CENPA: variants seen among roughly 807,000 people sequenced by gnomAD.
The protein encoded by CENPA is centromere protein A.
Under a neutral mutation model 17.2 loss-of-function variants are expected in CENPA, and 7 were observed. That is an observed-to-expected ratio of 0.41 (90% CI 0.23 to 0.76). The LOEUF (loss-of-function observed/expected upper bound fraction) is 0.76, where lower values mean the gene tolerates loss of function less well. Among genes scored for constraint, CENPA ranks in the 30% least tolerant of loss-of-function variants. The pLI is 0.34. For synonymous variants in CENPA, 82 were observed against 77.4 expected (o/e 1.06, Z -0.31); for missense variants, 149 against 193.1 (o/e 0.77, Z 1.35).
At chr2:26,788,743 T>G (rs1192713234) in intron 1 of CENPA, among the ~76,000 whole-genome samples, 2 of 152,240 alleles carry the variant, frequency 1.3e-5, no homozygotes, top group Non-Finnish European at 2.9e-5. Flanking sequence ...CGGCGTGATC[T>G]CGGCTTACCG....
intron 1 of CENPA, among the ~76,000 whole-genome samples, chr2:26,787,555 G>A (rs1007367034): frequency 6.6e-6 from 1 of 151,326 alleles, no homozygotes; most frequent in African/African-American, 2.4e-5. Flanking sequence ...GAGACCCATC[G>A]CCCAGGTTGG....
Position 26,786,179 on chromosome 2 carries a change from C to A in CENPA, c.-18C>A. On this transcript the variant is annotated 5_prime_UTR_variant, in exon 1 of 5. Coordinates refer to ENST00000335756, the MANE Select transcript of CENPA (RefSeq NM_001809.4). ...CAGGAGCCGTGGGACCGGGCGCCAGCACCCTCTGCGGCGTGTCATGGGCCC... is the reference window on the plus strand; with the variant it reads ...CAGGAGCCGTGGGACCGGGCGCCAGAACCCTCTGCGGCGTGTCATGGGCCC... 7.0e-7 allele frequency: 1 copy of A among 1,436,324 alleles called. No individual in the cohort carries two copies. The allele number at this position is 1,436,324 out of a possible 1,614,324, so 89.0% of individuals were successfully genotyped here. A position where few individuals can be genotyped will look rare whatever the true frequency, so the allele number is the denominator to read the frequency against.
rs1470596121 is a variant in CENPA, at chr2:26,792,747, C to G, written c.211-9C>G. 1 of 1,613,364 alleles carries G rather than the reference C, an allele frequency of 6.2e-7. No individual in the cohort carries two copies. Among genetic ancestry groups the G allele is most frequent in the African/African-American group, 1.3e-5 (1 of 74,914 alleles). ...ACTCCTACTCCTCCCCTTCCCCACT[C>G]CTTCACAGGCAAGAGAAATATGTGT... is the stretch of plus-strand genomic sequence containing the variant. On this transcript the variant is annotated splice_polypyrimidine_tract_variant and intron_variant, in intron 2 of 4. Transcript: ENST00000335756.
chr2:26,786,606 G>C (rs1361298739), intron 1 of CENPA, among the ~76,000 whole-genome samples: 1 of 152,262 alleles, frequency 6.6e-6, no homozygotes, highest in Non-Finnish European at 1.5e-5. Context: ...CGTTATCTCA[G>C]CTTCATATTG....
At chr2:26,790,431 A>G in intron 1 of CENPA, among the ~76,000 whole-genome samples, 1 of 152,144 alleles carries the variant, frequency 6.6e-6, no homozygotes. Flanking sequence ...GGTTCAAGCA[A>G]TTCTCCTGCC....
At chr2:26,791,995 A>G (rs1664625051) in intron 1 of CENPA, 136 bp from the exon 2 acceptor site, 3 of 754,680 alleles carry the variant, frequency 4.0e-6, no homozygotes, top group Admixed American at 4.5e-5. Flanking sequence ...GCAGCAACCT[A>G]ATAAAACAGA....
At chr2:26,788,456 C>T (rs1375852251) in intron 1 of CENPA, among the ~76,000 whole-genome samples, 2 of 152,078 alleles carry the variant, frequency 1.3e-5, no homozygotes, top group Admixed American at 6.5e-5. Flanking sequence ...TCTCCCTCCT[C>T]GACTTCCTAC....
At chr2:26,793,681 G>C (rs1664661750) in intron 4 of CENPA, 131 bp from the exon 5 acceptor site, 1 of 153,270 alleles carries the variant, frequency 6.5e-6, no homozygotes, top group Admixed American at 6.5e-5. Flanking sequence ...TTTTGATTAA[G>C]AGAAAACTTT....
chr2:26,792,333 T>C, intron 2 of CENPA, 93 bp downstream of exon 2: 1 of 938,030 alleles, frequency 1.1e-6, no homozygotes, highest in Non-Finnish European at 1.6e-6. Context: ...CTTAACTAAC[T>C]GGCCAAGGGA....
chr2:26,792,586 C>T (rs1558299276), intron 2 of CENPA, 170 bp from the exon 3 acceptor site: 1 of 731,242 alleles, frequency 1.4e-6, no homozygotes. Context: ...CCGCCAGTTC[C>T]TAAGCTCCCA....
At position 26,792,742 on chromosome 2, in the gene CENPA, CCA is replaced by C. The variant is rs34367546; in HGVS notation, c.211-12_211-11del. 114,700 of 1,612,018 alleles carry C rather than the reference CCA, an allele frequency of 0.071. 4,628 individuals carry two copies. The highest frequency in any genetic ancestry group is 0.081 in the Non-Finnish European group (95,863 of 1,178,068). On this transcript the variant is annotated splice_polypyrimidine_tract_variant and intron_variant, in intron 2 of 4. Coordinates refer to ENST00000335756, the MANE Select transcript of CENPA (RefSeq NM_001809.4). ...TCCCTACTCCTACTCCTCCCCTTCC[CCA>C]CTCCTTCACAGGCAAGAGAAATATG...
At chr2:26,788,852 T>C (rs936503805) in intron 1 of CENPA, among the ~76,000 whole-genome samples, 1 of 152,160 alleles carries the variant, frequency 6.6e-6, no homozygotes, top group African/African-American at 2.4e-5. Flanking sequence ...ATTTTGTGTT[T>C]TTAGTAGAGA....
chr2:26,786,687 T>C (rs1664513914), intron 1 of CENPA, among the ~76,000 whole-genome samples: 1 of 152,226 alleles, frequency 6.6e-6, no homozygotes, highest in African/African-American at 2.4e-5. Flanking sequence ...CACAACTTGG[T>C]GTTCTGGCGG....
Position 26,786,073 on chromosome 2 carries a change from C to A in CENPA, c.-124C>A. 7.2e-6 allele frequency: 9 copies of A among 1,252,468 alleles called. No individual in the cohort carries two copies. Among genetic ancestry groups the A allele is most frequent in the Non-Finnish European group, 9.1e-6 (9 of 991,202 alleles). 77.6% of individuals were successfully genotyped at this position (1,252,468 alleles called of 1,614,324 possible). A position where few individuals can be genotyped will look rare whatever the true frequency, so the allele number is the denominator to read the frequency against. On this transcript the variant is annotated 5_prime_UTR_variant, in exon 1 of 5. Transcript: ENST00000335756. ...AGCGGCGCGGACTTCTGCCAAGCACCGGCTCATGTGAGGCTCGCGGCACAG... is the reference window on the plus strand; with the variant it reads ...AGCGGCGCGGACTTCTGCCAAGCACAGGCTCATGTGAGGCTCGCGGCACAG...
At chr2:26,791,762 A>AGG (rs1441509652) in intron 1 of CENPA, among the ~76,000 whole-genome samples, 1 of 152,234 alleles carries the variant, frequency 6.6e-6, no homozygotes, top group African/African-American at 2.4e-5. Flanking sequence ...AGCCCAGAGG[A>AGG]GGGCGGTCAC....
At chr2:26,790,100 A>G (rs1664588185) in intron 1 of CENPA, among the ~76,000 whole-genome samples, 1 of 152,078 alleles carries the variant, frequency 6.6e-6, no homozygotes, top group African/African-American at 2.4e-5. Flanking sequence ...TGGATTTCAT[A>G]TCTCTGTTAC....
intron 1 of CENPA, among the ~76,000 whole-genome samples, chr2:26,790,200 G>C (rs559672588): frequency 5.1e-4 from 78 of 152,142 alleles, no homozygotes; most frequent in African/African-American, 1.8e-3. Context: ...TATTTTGTTT[G>C]TTGAGTTTGG....
Position 26,792,766 on chromosome 2 carries a change from T to C in CENPA, c.221T>C (p.Ile74Thr), listed in dbSNP as rs1050990589. Reference protein sequence around the residue: ...KLPFSRLAREICVKFTRGVDF... With the variant: ...KLPFSRLARETCVKFTRGVDF... Reference sequence around the variant, plus strand: ...CCCACTCCTTCACAGGCAAGAGAAATATGTGTTAAATTCACTCGTGGTGTG... The same window carrying C: ...CCCACTCCTTCACAGGCAAGAGAAACATGTGTTAAATTCACTCGTGGTGTG... The change falls in exon 3 of 5, where the codon ATA becomes ACA. Residue 74 changes from isoleucine (I) to threonine (T), a missense_variant. By Grantham distance (89) the Ile-to-Thr change is moderately conservative. Transcript: ENST00000335756. 2 of 1,614,152 alleles carry C rather than the reference T, an allele frequency of 1.2e-6. No homozygotes were observed. Among genetic ancestry groups the C allele is most frequent in the Admixed American group, 3.3e-5 (2 of 60,020 alleles).
chr2:26,792,746 T>C lies in CENPA; in HGVS notation c.211-10T>C. 1 of 1,612,848 alleles carries C rather than the reference T, an allele frequency of 6.2e-7. No individual in the cohort carries two copies. The highest frequency in any genetic ancestry group is 2.2e-5 in the East Asian group (1 of 44,870). On this transcript the variant is annotated splice_polypyrimidine_tract_variant and intron_variant, in intron 2 of 4. Coordinates refer to ENST00000335756, the MANE Select transcript of CENPA (RefSeq NM_001809.4). ...TACTCCTACTCCTCCCCTTCCCCAC[T>C]CCTTCACAGGCAAGAGAAATATGTG... is the stretch of plus-strand genomic sequence containing the variant.
Sources: allele counts gnomAD v4.1 joint callset (sites outside exome capture counted in the v4.1 genomes callset), GRCh38; gene constraint gnomAD v4.1.1; transcripts MANE v1.5; gene names NCBI Gene and HGNC (gene_info 2026-07-23, HGNC 2026-07-21).